The following CDH23 variants were observed in gnomAD, a reference collection of about 807,000 sequenced individuals.
CDH23 encodes the protein cadherin related 23.
Under a neutral mutation model 317.1 loss-of-function variants are expected in CDH23, and 189 were observed. That is an observed-to-expected ratio of 0.60 (90% confidence interval 0.53 to 0.67). CDH23 has a LOEUF of 0.67. Ranked by LOEUF, CDH23 falls within the 30% of genes least tolerant of loss-of-function variation. The probability of loss-of-function intolerance (pLI) is 0.00; values close to 1 mark genes in which losing one functional copy is unlikely to be tolerated. For synonymous variants in CDH23, 1,839 were observed against 1,876.8 expected (o/e 0.98, Z 0.52); for missense variants, 4,401 against 4,592.4 (o/e 0.96, Z 1.20).
intron 14 of CDH23, among the ~76,000 whole-genome samples, chr10:71,648,466 G>T (rs1280264116): frequency 1.3e-5 from 2 of 152,250 alleles, no homozygotes; most frequent in Non-Finnish European, 2.9e-5. Context: ...AGGCTTAGTG[G>T]GTGTCAGGGG....
chr10:71,624,510 A>G (rs959107546), intron 11 of CDH23, among the ~76,000 whole-genome samples: 1 of 152,150 alleles, frequency 6.6e-6, no homozygotes, highest in Non-Finnish European at 1.5e-5. Context: ...ATGGGTTCGT[A>G]TCTGTATTTA....
chr10:71,486,652 C>A (rs995260699), intron 3 of CDH23, among the ~76,000 whole-genome samples: 1 of 152,196 alleles, frequency 6.6e-6, no homozygotes, highest in Admixed American at 6.5e-5. Flanking sequence ...GAGGCTCAGG[C>A]CATAGCCACA....
At chr10:71,594,116 G>C (rs1015778771) in intron 9 of CDH23, among the ~76,000 whole-genome samples, 1 of 152,142 alleles carries the variant, frequency 6.6e-6, no homozygotes, top group Non-Finnish European at 1.5e-5. Flanking sequence ...AAGAAAGAAA[G>C]ATAAGTATTT....
In CDH23 at chr10:71,778,243, AC is replaced by A. The variant is rs2132927249; in HGVS notation, c.5125del (p.Leu1709Ter). ...CTACGAGATCAGCCACGGCCGCTAC[AC>A]CCTGATCGTCACTGCCACAGACCAG... ...LDYEISHGRY[T>X]LIVTATDQCP... On this transcript the variant is annotated frameshift_variant, in exon 40 of 70. Transcript: ENST00000224721. LOFTEE classifies it high-confidence loss of function. 1 of 1,613,662 alleles carries A rather than the reference AC, an allele frequency of 6.2e-7. No individual in the cohort carries two copies. Among genetic ancestry groups the A allele is most frequent in the Non-Finnish European group, 8.5e-7 (1 of 1,179,786 alleles).
chr10:71,402,532 T>A (rs1221424868), intron 1 of CDH23, among the ~76,000 whole-genome samples: 2 of 152,240 alleles, frequency 1.3e-5, no homozygotes, highest in Non-Finnish European at 2.9e-5. Context: ...AGGACAACTT[T>A]ACAAGGCATT....
intron 9 of CDH23, among the ~76,000 whole-genome samples, chr10:71,587,515 AGT>A (rs1398847052): frequency 1.3e-5 from 2 of 152,204 alleles, no homozygotes; most frequent in East Asian, 3.8e-4. Context: ...CAGCAAAGAG[AGT>A]GTTTCCCCGC....
intron 3 of CDH23, among the ~76,000 whole-genome samples, chr10:71,475,625 T>C (rs932011201): frequency 6.6e-6 from 1 of 152,204 alleles, no homozygotes; most frequent in Non-Finnish European, 1.5e-5. Flanking sequence ...GAAAACAGTG[T>C]GAGGCCCATC....
chr10:71,694,704 G>T (rs1865312474), intron 21 of CDH23, among the ~76,000 whole-genome samples: 1 of 152,130 alleles, frequency 6.6e-6, no homozygotes, highest in Non-Finnish European at 1.5e-5. Context: ...AAAGCTAGAG[G>T]AACGAAACGT....
At chr10:71,807,479 C>G in intron 58 of CDH23, 37 bp from the exon 59 acceptor site, 1 of 1,612,538 alleles carries the variant, frequency 6.2e-7, no homozygotes, top group Non-Finnish European at 8.5e-7. Flanking sequence ...TGCTCCTGGC[C>G]CTGCCCCCTC....
At chr10:71,690,716 G>A in intron 20 of CDH23, 132 bp downstream of exon 20, 1 of 626,916 alleles carries the variant, frequency 1.6e-6, no homozygotes, top group Admixed American at 2.7e-5. Context: ...TTGAGCACCA[G>A]TGTAATCCAT....
chr10:71,488,780 G>A (rs1245355148), intron 3 of CDH23, among the ~76,000 whole-genome samples: 1 of 152,078 alleles, frequency 6.6e-6, no homozygotes, highest in East Asian at 1.9e-4. Context: ...CTTATCCCTA[G>A]TGGCATTGAC....
At chr10:71,742,104 C>T (rs1008586755) in intron 38 of CDH23, 183 bp downstream of exon 38, 12 of 612,560 alleles carry the variant, frequency 2.0e-5, no homozygotes, top group Middle Eastern at 4.3e-4. Flanking sequence ...AGGCCTGTTG[C>T]GTGCAAAGCT....
chr10:71,634,399 C>T (rs558586461), intron 11 of CDH23, among the ~76,000 whole-genome samples: 45 of 152,362 alleles, frequency 3.0e-4, no homozygotes, highest in African/African-American at 1.1e-3. Context: ...CAACCCCAGC[C>T]AAAAGTTGGG....
At chr10:71,753,409 A>G (rs952625468) in intron 38 of CDH23, among the ~76,000 whole-genome samples, 5 of 152,222 alleles carry the variant, frequency 3.3e-5, no homozygotes, top group African/African-American at 4.8e-5. Flanking sequence ...AACATTTGCC[A>G]GGTTCTGGTC....
intron 3 of CDH23, among the ~76,000 whole-genome samples, chr10:71,502,218 C>G (rs1418134068): frequency 3.9e-5 from 6 of 152,174 alleles, no homozygotes; most frequent in Non-Finnish European, 8.8e-5. Context: ...AGGTTCTTGG[C>G]CCCTAGATGG....
At chr10:71,527,267 C>A (rs1855094900) in intron 6 of CDH23, among the ~76,000 whole-genome samples, 1 of 152,270 alleles carries the variant, frequency 6.6e-6, no homozygotes, top group Admixed American at 6.5e-5. Flanking sequence ...GCCGCCCTGC[C>A]TCCTTCTGTC....
At chr10:71,779,584 C>G (rs1840901697) in intron 41 of CDH23, 137 bp downstream of exon 41, 1 of 625,998 alleles carries the variant, frequency 1.6e-6, no homozygotes, top group Non-Finnish European at 2.6e-6. Context: ...GTTTCCCCAT[C>G]TATGACAATG....
intron 11 of CDH23, among the ~76,000 whole-genome samples, chr10:71,621,898 G>A (rs1371279795): frequency 1.3e-5 from 2 of 152,154 alleles, no homozygotes; most frequent in Non-Finnish European, 2.9e-5. Flanking sequence ...TCCTTTGCCT[G>A]GCTATAGAAA....
intron 38 of CDH23, among the ~76,000 whole-genome samples, chr10:71,758,880 G>T (rs140869584): frequency 1.5e-4 from 23 of 152,154 alleles, no homozygotes; most frequent in African/African-American, 4.8e-4. Flanking sequence ...TGATTTTTTT[G>T]ATTTTTTGGG....
Sources: allele counts gnomAD v4.1 joint callset (sites outside exome capture counted in the v4.1 genomes callset), GRCh38; gene constraint gnomAD v4.1.1; transcripts MANE v1.5; gene names NCBI Gene and HGNC (gene_info 2026-07-23, HGNC 2026-07-21).